Variants in MECOM observed in about 807,000 individuals in gnomAD.
MECOM encodes histone-lysine N-methyltransferase MECOM.
A neutral mutation model predicts 116.3 loss-of-function variants in MECOM; 13 were observed. The ratio of observed to expected loss-of-function variants is 0.11; its 90% confidence interval spans 0.07 to 0.18. The LOEUF (loss-of-function observed/expected upper bound fraction) is 0.18. Among genes scored for constraint, MECOM ranks in the 10% least tolerant of loss-of-function variants. The pLI is 1.00. For missense variants in MECOM, 1,299 were observed against 1,509.0 expected (o/e 0.86, Z 2.31); for synonymous variants, 528 against 535.2 (o/e 0.99, Z 0.19).
intron 7 of MECOM, among the ~76,000 whole-genome samples, chr3:169,118,667 T>C (rs1729969622): frequency 6.6e-6 from 1 of 152,196 alleles, no homozygotes; most frequent in Non-Finnish European, 1.5e-5. Flanking sequence ...CAAAGACTTG[T>C]CATTTTTTGG....
intron 1 of MECOM, among the ~76,000 whole-genome samples, chr3:169,504,408 C>T (rs1754952488): frequency 6.6e-6 from 1 of 152,032 alleles, no homozygotes; most frequent in African/African-American, 2.4e-5. Flanking sequence ...ATATGAGGTA[C>T]TCATTTTTCC....
intron 1 of MECOM, among the ~76,000 whole-genome samples, chr3:169,655,171 G>A (rs1210892753): frequency 6.6e-6 from 1 of 151,990 alleles, no homozygotes; most frequent in Non-Finnish European, 1.5e-5. Context: ...AGAAGAAGCT[G>A]CCACCTTTAG....
At chr3:169,144,895 C>A in intron 2 of MECOM, 4 of 871,164 alleles carry the variant, frequency 4.6e-6, no homozygotes, top group Non-Finnish European at 7.5e-6. Context: ...GTATGCATAA[C>A]CACATAAAAG....
In MECOM at chr3:169,198,307, T is replaced by C. The variant is rs534292540; in HGVS notation, c.376-54475A>G. ...TCATGTCTTAAATCAAATCTTTATATCAAACTTTCACTTCACATTGCTCTC... is the reference window on the plus strand; with the variant it reads ...TCATGTCTTAAATCAAATCTTTATACCAAACTTTCACTTCACATTGCTCTC... On this transcript the variant is annotated intron_variant, in intron 2 of 16. Coordinates refer to ENST00000651503, the MANE Select transcript of MECOM (RefSeq NM_004991.4). Among the ~76,000 whole-genome samples, 5 of 152,152 alleles carry C rather than the reference T, an allele frequency of 3.3e-5. No individual in the cohort carries two copies. The East Asian group carries it at 9.7e-4, about 29-fold the overall frequency.
chr3:169,417,453 A>G (rs1248501716), intron 1 of MECOM, among the ~76,000 whole-genome samples: 3 of 152,200 alleles, frequency 2.0e-5, no homozygotes, highest in Non-Finnish European at 4.4e-5. Context: ...AAAAATCAGG[A>G]AACAACAGGT....
At chr3:169,422,302 A>C (rs948776904) in intron 1 of MECOM, among the ~76,000 whole-genome samples, 1 of 152,138 alleles carries the variant, frequency 6.6e-6, no homozygotes, top group African/African-American at 2.4e-5. Flanking sequence ...CTGTAGGATA[A>C]AATGAATGCC....
At chr3:169,437,460 G>A (rs1045460001) in intron 1 of MECOM, among the ~76,000 whole-genome samples, 4 of 152,036 alleles carry the variant, frequency 2.6e-5, no homozygotes, top group Non-Finnish European at 5.9e-5. Flanking sequence ...AACTCAAACC[G>A]GATCCCATGA....
intron 1 of MECOM, among the ~76,000 whole-genome samples, chr3:169,562,521 C>A (rs937032926): frequency 3.3e-5 from 5 of 152,148 alleles, no homozygotes; most frequent in Non-Finnish European, 5.9e-5. Flanking sequence ...AAAACTCCGA[C>A]GCCGCAGTTT....
intron 2 of MECOM, among the ~76,000 whole-genome samples, chr3:169,212,996 A>T (rs749851000): frequency 1.3e-5 from 2 of 151,612 alleles, no homozygotes; most frequent in Non-Finnish European, 2.9e-5. Context: ...ATCCTCAGGC[A>T]TTTACTGTTT....
chr3:169,436,582 A>C (rs1048966425), intron 1 of MECOM, among the ~76,000 whole-genome samples: 4 of 152,060 alleles, frequency 2.6e-5, no homozygotes, highest in African/African-American at 9.7e-5. Context: ...AGTTTCTTCA[A>C]TACGATTTGG....
chr3:169,605,200 C>T (rs967020159), intron 1 of MECOM, among the ~76,000 whole-genome samples: 1 of 152,122 alleles, frequency 6.6e-6, no homozygotes, highest in African/African-American at 2.4e-5. Flanking sequence ...TATACTGCCT[C>T]CCAAGTAACT....
chr3:169,434,556 G>T (rs1187332053), intron 1 of MECOM, among the ~76,000 whole-genome samples: 1 of 151,858 alleles, frequency 6.6e-6, no homozygotes, highest in East Asian at 1.9e-4. Flanking sequence ...AAAGAATCAT[G>T]GACTATCAAA....
At chr3:169,566,520 T>G (rs1393281529) in intron 1 of MECOM, among the ~76,000 whole-genome samples, 1 of 152,212 alleles carries the variant, frequency 6.6e-6, no homozygotes, top group Non-Finnish European at 1.5e-5. Flanking sequence ...TACCATGCAA[T>G]GGGGCTTTAC....
chr3:169,430,548 ATTAG>A (rs1246616745), intron 1 of MECOM, among the ~76,000 whole-genome samples: 2 of 152,114 alleles, frequency 1.3e-5, no homozygotes, highest in African/African-American at 4.8e-5. Context: ...TAATTGTCTA[ATTAG>A]TTACTTTGTA....
intron 2 of MECOM, among the ~76,000 whole-genome samples, chr3:169,232,217 CT>C (rs1208301674): frequency 1.3e-5 from 2 of 152,068 alleles, no homozygotes; most frequent in African/African-American, 4.8e-5. Context: ...ATTCTAAACT[CT>C]GGTGGGCTTT....
At chr3:169,197,141 C>A (rs1748518065) in intron 2 of MECOM, among the ~76,000 whole-genome samples, 1 of 151,584 alleles carries the variant, frequency 6.6e-6, no homozygotes, top group Non-Finnish European at 1.5e-5. Context: ...AAGAAGCGAA[C>A]TATAGACACC....
chr3:169,340,983 G>T (rs1321156625), intron 2 of MECOM, among the ~76,000 whole-genome samples: 1 of 152,148 alleles, frequency 6.6e-6, no homozygotes, highest in African/African-American at 2.4e-5. Context: ...TCAATATAAT[G>T]ACAAATATTT....
At chr3:169,484,288 A>G (rs1751823371) in intron 1 of MECOM, among the ~76,000 whole-genome samples, 2 of 151,702 alleles carry the variant, frequency 1.3e-5, no homozygotes. Flanking sequence ...AAGAGAAAAA[A>G]GAAAGAAAGA....
At chr3:169,187,256 T>C (rs1201394519) in intron 2 of MECOM, among the ~76,000 whole-genome samples, 1 of 152,106 alleles carries the variant, frequency 6.6e-6, no homozygotes, top group African/African-American at 2.4e-5. Flanking sequence ...GATCAACCTC[T>C]CACCTTACTG....
Sources: allele counts gnomAD v4.1 joint callset (sites outside exome capture counted in the v4.1 genomes callset), GRCh38; gene constraint gnomAD v4.1.1; transcripts MANE v1.5; gene names NCBI Gene and HGNC (gene_info 2026-07-23, HGNC 2026-07-21).